The following WDR7 variants were observed in gnomAD, a reference collection of about 807,000 sequenced individuals.
The protein encoded by WDR7 is WD repeat-containing protein 7.
Under a neutral mutation model 169.4 loss-of-function variants are expected in WDR7, and 46 were observed. That is an observed-to-expected ratio of 0.27 (90% confidence interval 0.21 to 0.35). The LOEUF (loss-of-function observed/expected upper bound fraction) is 0.35, where lower values mean the gene tolerates loss of function less well. WDR7 is among the 10% of genes least tolerant of loss of function. The pLI is 1.00. For missense variants in WDR7, 1,534 were observed against 1,859.3 expected (o/e 0.83, Z 3.22); for synonymous variants, 612 against 666.8 (o/e 0.92, Z 1.27).
At chr18:56,665,152 G>T (rs924689316) in intron 1 of WDR7, among the ~76,000 whole-genome samples, 1 of 152,094 alleles carries the variant, frequency 6.6e-6, no homozygotes, top group African/African-American at 2.4e-5. Flanking sequence ...AATTAGTTAG[G>T]ACTAGTAGCG....
At chr18:56,759,307 TC>T (rs1308870758) in intron 16 of WDR7, among the ~76,000 whole-genome samples, 2 of 152,188 alleles carry the variant, frequency 1.3e-5, no homozygotes, top group African/African-American at 2.4e-5. Context: ...AGTTCATAGT[TC>T]CATACTACAA....
In WDR7 at chr18:56,682,787, T is replaced by G; in HGVS notation, c.454T>G (p.Leu152Val). The change falls in exon 5 of 28, where the codon TTA becomes GTA. Residue 152 changes from leucine (L) to valine (V), a missense_variant. By Grantham distance (32) the Leu-to-Val change is conservative (BLOSUM62 1). Transcript: ENST00000254442. ...TACCAGCCTTGAAGTATTATACTCCTTAGTATCAAAGATATCACCAGACTG... is the reference window on the plus strand; with the variant it reads ...TACCAGCCTTGAAGTATTATACTCCGTAGTATCAAAGATATCACCAGACTG... ...DATSLEVLYSLVSKISPDWIS... is the reference protein window; with the variant it reads ...DATSLEVLYSVVSKISPDWIS... The G allele has an allele frequency of 6.2e-7, 1 of 1,613,866 alleles. No homozygotes were observed. The highest frequency in any genetic ancestry group is 8.5e-7 in the Non-Finnish European group (1 of 1,179,794).
At chr18:56,671,560 T>A (rs1173299844) in intron 1 of WDR7, among the ~76,000 whole-genome samples, 2 of 152,176 alleles carry the variant, frequency 1.3e-5, no homozygotes, top group African/African-American at 4.8e-5. Flanking sequence ...CGTGAGCCAC[T>A]GCGCCCGGCC....
intron 20 of WDR7, among the ~76,000 whole-genome samples, chr18:56,862,200 C>G (rs2045814532): frequency 6.6e-6 from 1 of 151,820 alleles, no homozygotes; most frequent in African/African-American, 2.4e-5. Flanking sequence ...TCTTGGAAGT[C>G]TGCATACTTT....
Position 56,756,704 on chromosome 18 carries a change from C to T in WDR7, c.2111C>T (p.Thr704Ile). 2 of 1,614,150 alleles carry T rather than the reference C, an allele frequency of 1.2e-6. No individual in the cohort carries two copies. Among genetic ancestry groups the T allele is most frequent in the Non-Finnish European group, 8.5e-7 (1 of 1,180,024 alleles). The stretch of plus-strand genomic sequence containing the variant: ...GAAGCGTTGATTATTCAACTCCTGA[C>T]TGAAGAAGCCTCTAGGCCGAATACT... ...DVEALIIQLL[T>I]EEASRPNTAL... The change falls in exon 15 of 28, where the codon ACT (threonine) becomes ATT (isoleucine). Residue 704 changes from threonine to isoleucine, a missense_variant. By Grantham distance (89) the Thr-to-Ile change is moderately conservative (BLOSUM62 -1). Transcript: ENST00000254442.
chr18:56,978,037 G>A (rs183638069), intron 26 of WDR7, among the ~76,000 whole-genome samples: 1 of 152,326 alleles, frequency 6.6e-6, no homozygotes, highest in Admixed American at 6.5e-5. Context: ...TGCCTCTACT[G>A]TAGACAGAGG....
At chr18:56,749,376 G>C in intron 14 of WDR7, among the ~76,000 whole-genome samples, 1 of 121,346 alleles carries the variant, frequency 8.2e-6, no homozygotes, top group Non-Finnish European at 1.7e-5. Context: ...CTATAGAAGT[G>C]TGTGTGTGTT....
chr18:56,983,693 C>G (rs756078650), intron 26 of WDR7, among the ~76,000 whole-genome samples: 1 of 151,926 alleles, frequency 6.6e-6, no homozygotes, highest in Non-Finnish European at 1.5e-5. Flanking sequence ...AAATGTGTCC[C>G]CAGAATAAGT....
intron 19 of WDR7, among the ~76,000 whole-genome samples, chr18:56,797,929 A>G (rs1230628392): frequency 6.6e-6 from 1 of 152,154 alleles, no homozygotes; most frequent in East Asian, 1.9e-4. Flanking sequence ...CTTCAAACCT[A>G]TCATCTTTAC....
chr18:56,708,600 G>A (rs2026013879), intron 12 of WDR7, among the ~76,000 whole-genome samples: 2 of 152,104 alleles, frequency 1.3e-5, no homozygotes, highest in South Asian at 2.1e-4. Flanking sequence ...AATGGTGTGT[G>A]GAGAGTGGAA....
chr18:56,657,161 CTTT>C (rs779751073), intron 1 of WDR7, among the ~76,000 whole-genome samples: 2 of 136,826 alleles, frequency 1.5e-5, no homozygotes, highest in African/African-American at 2.7e-5. Context: ...TTTGTTGGGA[CTTT>C]TTTTTTTTTT....
chr18:56,894,266 T>C (rs2046302418), intron 21 of WDR7, among the ~76,000 whole-genome samples: 1 of 152,052 alleles, frequency 6.6e-6, no homozygotes, highest in Non-Finnish European at 1.5e-5. Flanking sequence ...AAGAACCTAA[T>C]GTGGATCACA....
chr18:56,820,359 A>AAAAAAACAAAAAC (rs1044771844), intron 20 of WDR7, among the ~76,000 whole-genome samples: 2 of 127,464 alleles, frequency 1.6e-5, no homozygotes, highest in African/African-American at 7.1e-5. Flanking sequence ...AAAAAAAAAA[A>AAAAAAACAAAAAC]AAAAACCACC....
At chr18:57,032,844 T>TATATATAC (rs1464286392), downstream of WDR7, 3 of 123,754 alleles carry the variant, frequency 2.4e-5, no homozygotes, top group South Asian at 2.8e-4. Flanking sequence ...TATATATATA[T>TATATATAC]ACAGTGTAAT....
intron 11 of WDR7, among the ~76,000 whole-genome samples, chr18:56,695,972 A>G (rs528397120): frequency 2.6e-5 from 4 of 152,312 alleles, no homozygotes; most frequent in African/African-American, 9.6e-5. Context: ...TTGATGAAAT[A>G]TTTTAGGTTT....
chr18:57,009,994 G>A (rs1379649429), intron 26 of WDR7: 2 of 985,316 alleles, frequency 2.0e-6, no homozygotes, highest in Admixed American at 6.1e-5. Context: ...ACTTAGGAAT[G>A]TGATTGCTGT....
chr18:56,704,594 T>C (rs1402342263), intron 12 of WDR7, among the ~76,000 whole-genome samples: 1 of 152,192 alleles, frequency 6.6e-6, no homozygotes, highest in African/African-American at 2.4e-5. Flanking sequence ...ATTTTTGTTA[T>C]TTTAATGGCA....
chr18:56,986,923 A>G (rs961150072), intron 26 of WDR7, among the ~76,000 whole-genome samples: 1 of 152,016 alleles, frequency 6.6e-6, no homozygotes, highest in Non-Finnish European at 1.5e-5. Flanking sequence ...ATCAAGGTCC[A>G]TAGGCTTAGG....
chr18:56,715,335 A>C (rs2026168224), intron 12 of WDR7, among the ~76,000 whole-genome samples: 1 of 152,130 alleles, frequency 6.6e-6, no homozygotes, highest in Non-Finnish European at 1.5e-5. Flanking sequence ...CATAGTAGAG[A>C]ATATTGGCAA....
Sources: gnomAD v4.1 joint callset for allele counts (sites outside exome capture counted in the v4.1 genomes callset) on GRCh38, gnomAD v4.1.1 for gene constraint, MANE v1.5 for transcripts, NCBI Gene and HGNC (gene_info 2026-07-23, HGNC 2026-07-21) for gene names.